Variants in CTNNA3 observed in about 807,000 individuals in gnomAD.
CTNNA3 encodes catenin alpha 3.
Under a neutral mutation model 95.7 loss-of-function variants are expected in CTNNA3, and 76 were observed. The observed-to-expected ratio is 0.79, with a 90% CI of 0.66 to 0.96. CTNNA3 has a LOEUF of 0.96. Ranked by LOEUF, CTNNA3 falls within the 40% of genes least tolerant of loss-of-function variation. CTNNA3 has a pLI of 0.00. For synonymous variants in CTNNA3, 431 were observed against 374.4 expected, an observed-to-expected ratio of 1.15 and a Z score of -1.74; for missense variants, 1,191 against 1,089.8, an observed-to-expected ratio of 1.09 and a Z score of -1.31.
intron 7 of CTNNA3, among the ~76,000 whole-genome samples, chr10:67,014,313 G>A (rs1271996332): frequency 6.6e-6 from 1 of 152,100 alleles, no homozygotes; most frequent in East Asian, 1.9e-4. Context: ...TGTAATTTAT[G>A]TCATTCTGTT....
In CTNNA3 at chr10:66,094,177, G is replaced by A. The variant is rs140320548; in HGVS notation, c.1977+8980C>T. ...CTAGTAAAGGGAAAGAGGGGGCAGC[G>A]TAGGAATTGTGTTTCTCAGAGATAA... is the stretch of plus-strand genomic sequence containing the variant. On this transcript the variant is annotated intron_variant, in intron 14 of 17. Coordinates refer to ENST00000433211, the MANE Select transcript of CTNNA3 (RefSeq NM_013266.4). Among the ~76,000 whole-genome samples the A allele has an allele frequency of 3.7e-4, 56 of 152,058 alleles. No homozygotes were observed. The East Asian group carries it at 8.2e-3, about 22-fold the overall frequency.
intron 7 of CTNNA3, among the ~76,000 whole-genome samples, chr10:66,953,019 C>A (rs888468286): frequency 2.0e-5 from 3 of 152,020 alleles, no homozygotes; most frequent in African/African-American, 7.2e-5. Context: ...CCACTATGTT[C>A]TTTACCTTCC....
intron 12 of CTNNA3, among the ~76,000 whole-genome samples, chr10:66,292,253 A>T (rs886460795): frequency 6.6e-6 from 1 of 152,000 alleles, no homozygotes; most frequent in African/African-American, 2.4e-5. Context: ...CGGCCTCTCA[A>T]ATATGTTTCT....
intron 12 of CTNNA3, among the ~76,000 whole-genome samples, chr10:66,281,284 A>G (rs1441885816): frequency 1.3e-5 from 2 of 152,054 alleles, no homozygotes; most frequent in East Asian, 3.9e-4. Context: ...TTTTAAATTA[A>G]GGCTTCAAAA....
intron 7 of CTNNA3, among the ~76,000 whole-genome samples, chr10:66,935,034 G>A (rs1215550291): frequency 6.6e-6 from 1 of 152,026 alleles, no homozygotes; most frequent in African/African-American, 2.4e-5. Context: ...AGCTTCAACT[G>A]GGTGGCCCTC....
chr10:67,759,180 G>T (rs1170553683), intron 1 of CTNNA3, among the ~76,000 whole-genome samples: 1 of 152,116 alleles, frequency 6.6e-6, no homozygotes, highest in Non-Finnish European at 1.5e-5. Context: ...CACTTTTCAC[G>T]ATACCTTTAA....
chr10:66,286,424 C>T (rs2091589956), intron 12 of CTNNA3, among the ~76,000 whole-genome samples: 1 of 152,014 alleles, frequency 6.6e-6, no homozygotes, highest in African/African-American at 2.4e-5. Context: ...AAATCTTCCT[C>T]TTTTAGAATC....
chr10:66,445,921 C>A (rs754431462), intron 11 of CTNNA3, among the ~76,000 whole-genome samples: 1 of 151,830 alleles, frequency 6.6e-6, no homozygotes, highest in East Asian at 1.9e-4. Flanking sequence ...ATTGATAGAC[C>A]GCTATCAAGG....
chr10:67,012,991 A>G (rs1359618371), intron 7 of CTNNA3: 1 of 152,150 alleles, frequency 6.6e-6, no homozygotes, highest in Non-Finnish European at 1.5e-5. Context: ...CAGGTAAGGC[A>G]TCTTACCAGT....
At chr10:66,465,030 A>G (rs1838853620) in intron 11 of CTNNA3, among the ~76,000 whole-genome samples, 1 of 152,196 alleles carries the variant, frequency 6.6e-6, no homozygotes, top group Non-Finnish European at 1.5e-5. Flanking sequence ...GGGTGCGGAC[A>G]TAGACAAATG....
intron 13 of CTNNA3, among the ~76,000 whole-genome samples, chr10:66,248,373 C>T (rs1337441408): frequency 1.3e-5 from 2 of 148,444 alleles, no homozygotes; most frequent in Non-Finnish European, 3.0e-5. Context: ...AAAAAAATAG[C>T]AGGAGTAAGT....
intron 7 of CTNNA3, among the ~76,000 whole-genome samples, chr10:67,168,161 T>G (rs1861863417): frequency 6.6e-6 from 1 of 151,936 alleles, no homozygotes; most frequent in Non-Finnish European, 1.5e-5. Flanking sequence ...TATCCAACAT[T>G]AAAAACATCA....
At chr10:66,152,794 C>T (rs1478302878) in intron 13 of CTNNA3, among the ~76,000 whole-genome samples, 1 of 151,962 alleles carries the variant, frequency 6.6e-6, no homozygotes, top group Non-Finnish European at 1.5e-5. Context: ...AAGTGCCCTA[C>T]TGAAACTTTG....
chr10:67,231,237 G>A (rs1230262746), intron 5 of CTNNA3, among the ~76,000 whole-genome samples: 3 of 152,220 alleles, frequency 2.0e-5, no homozygotes, highest in South Asian at 2.1e-4. Flanking sequence ...CAGACAAACA[G>A]AAAGACAGCA....
chr10:66,271,575 C>T (rs117409578), intron 13 of CTNNA3, among the ~76,000 whole-genome samples: 1,583 of 152,216 alleles, frequency 0.01, 16 homozygotes, highest in Non-Finnish European at 0.018. Context: ...TGCAAGTAAC[C>T]GTCTTCCCCA....
At chr10:66,524,801 G>C (rs757230472) in intron 10 of CTNNA3, among the ~76,000 whole-genome samples, 25 of 152,112 alleles carry the variant, frequency 1.6e-4, no homozygotes, top group Admixed American at 6.6e-5. Context: ...TGTAATCCCA[G>C]GACTTTGGGA....
intron 16 of CTNNA3, among the ~76,000 whole-genome samples, chr10:65,982,326 T>C (rs2078336680): frequency 6.6e-6 from 1 of 150,942 alleles, no homozygotes; most frequent in African/African-American, 2.4e-5. Context: ...AGAATGGCCA[T>C]GATCAGAAAA....
intron 11 of CTNNA3, among the ~76,000 whole-genome samples, chr10:66,419,115 T>G (rs7895515): frequency 0.38 from 58,046 of 151,866 alleles, 11,656 homozygotes; most frequent in African/African-American, 0.5. Context: ...TACTCATATT[T>G]AGAAAAGTCA....
At chr10:66,035,075 C>T (rs535772446) in intron 15 of CTNNA3, among the ~76,000 whole-genome samples, 3 of 152,190 alleles carry the variant, frequency 2.0e-5, no homozygotes, top group African/African-American at 4.8e-5. Context: ...TATTTAATAA[C>T]CAAATATTTT....
Sources: gnomAD v4.1 joint callset for allele counts (sites outside exome capture counted in the v4.1 genomes callset) on GRCh38, gnomAD v4.1.1 for gene constraint, MANE v1.5 for transcripts, NCBI Gene and HGNC (gene_info 2026-07-23, HGNC 2026-07-21) for gene names.